The following SLC12A6 variants were observed in gnomAD, a reference collection of about 807,000 sequenced individuals.
SLC12A6 encodes the protein K-Cl cotransporter 3.
SLC12A6 carries 66 observed loss-of-function variants against 135.3 expected under a neutral mutation model. That is an observed-to-expected ratio of 0.49 (90% CI 0.40 to 0.60). The LOEUF is 0.60. SLC12A6 is among the 20% of genes least tolerant of loss of function. The pLI, the probability that SLC12A6 is intolerant of heterozygous loss-of-function variation, is 0.00. For missense variants in SLC12A6, 1,058 were observed against 1,452.3 expected, an observed-to-expected ratio of 0.73 and a Z score of 4.41; for synonymous variants, 513 against 508.8, an observed-to-expected ratio of 1.01 and a Z score of -0.11.
intron 2 of SLC12A6, among the ~76,000 whole-genome samples, chr15:34,332,019 C>G (rs1050486399): frequency 3.3e-5 from 5 of 152,134 alleles, no homozygotes; most frequent in Non-Finnish European, 5.9e-5. Context: ...ATTCAACCGT[C>G]TGACCACAGT....
At chr15:34,298,158 G>GT (rs1895999498) in intron 2 of SLC12A6, among the ~76,000 whole-genome samples, 1 of 151,448 alleles carries the variant, frequency 6.6e-6, no homozygotes, top group Non-Finnish European at 1.5e-5. Flanking sequence ...AATTATTACA[G>GT]TTTAAGTACA....
chr15:34,281,511 C>T (rs924506456), intron 2 of SLC12A6, among the ~76,000 whole-genome samples: 6 of 152,062 alleles, frequency 3.9e-5, no homozygotes, highest in South Asian at 4.1e-4. Flanking sequence ...ATGAGTAAGC[C>T]GGGTGCAGTG....
chr15:34,325,001 C>G (rs1889370453), intron 2 of SLC12A6, among the ~76,000 whole-genome samples: 1 of 152,088 alleles, frequency 6.6e-6, no homozygotes, highest in South Asian at 2.1e-4. Flanking sequence ...TAAATTTGTT[C>G]TATCAAACTG....
chr15:34,271,622 C>CACACACACACACAA (rs960728450), intron 3 of SLC12A6, among the ~76,000 whole-genome samples: 2 of 151,990 alleles, frequency 1.3e-5, no homozygotes, highest in African/African-American at 4.8e-5. Flanking sequence ...CACACACACA[C>CACACACACACACAA]ACACACAGAA....
At chr15:34,309,658 ATTC>A (rs149217654) in intron 2 of SLC12A6, among the ~76,000 whole-genome samples, 3,100 of 152,308 alleles carry the variant, frequency 0.02, 103 homozygotes, top group African/African-American at 0.071. Context: ...TCAAATTTGT[ATTC>A]TTATATTAAG....
At chr15:34,336,102 TAC>T (rs1280600689) in intron 2 of SLC12A6, among the ~76,000 whole-genome samples, 1 of 152,182 alleles carries the variant, frequency 6.6e-6, no homozygotes, top group East Asian at 1.9e-4. Context: ...TGAAAACGAT[TAC>T]ATTCTTTGAT....
At chr15:34,264,388 TCTAA>T (rs373762735) in intron 3 of SLC12A6, among the ~76,000 whole-genome samples, 1,827 of 152,284 alleles carry the variant, frequency 0.012, 15 homozygotes, top group Middle Eastern at 0.037. Context: ...AGCCTCGAAA[TCTAA>T]CTATCAGTTC....
At chr15:34,302,936 G>T (rs192919059) in intron 2 of SLC12A6, among the ~76,000 whole-genome samples, 1 of 144,786 alleles carries the variant, frequency 6.9e-6, no homozygotes, top group East Asian at 2.0e-4. Flanking sequence ...GGTGACAGAC[G>T]GGAGAAGGGA....
intron 2 of SLC12A6, among the ~76,000 whole-genome samples, chr15:34,334,277 C>T (rs1389227090): frequency 1.3e-5 from 2 of 152,070 alleles, no homozygotes; most frequent in East Asian, 1.9e-4. Context: ...ACTGTAAATA[C>T]TAAAATAGCA....
At chr15:34,290,748 G>T (rs1895460787) in intron 2 of SLC12A6, among the ~76,000 whole-genome samples, 1 of 152,120 alleles carries the variant, frequency 6.6e-6, no homozygotes, top group African/African-American at 2.4e-5. Flanking sequence ...TTTGATCTTT[G>T]TTGGTTTAAA....
At position 34,238,655 on chromosome 15, in the gene SLC12A6, G is replaced by A. The variant is rs549335894; in HGVS notation, c.2633-254C>T. 2.7e-5 allele frequency: 16 copies of A among 598,586 alleles called. No homozygotes were observed. The South Asian group carries it at 3.2e-4, about 12-fold the overall frequency. The allele number at this position is 598,586 out of a possible 1,614,324, so 37.1% of individuals were successfully genotyped here. On this transcript the variant is annotated intron_variant, in intron 20 of 25. Transcript: ENST00000354181. The stretch of plus-strand genomic sequence containing the variant: ...TAAGGGGGGATATGTGAATTTGAGA[G>A]ATTATGATGCTGAAGAACAATTCTT...
At chr15:34,262,687 G>A (rs966486615) in intron 3 of SLC12A6, among the ~76,000 whole-genome samples, 2 of 152,190 alleles carry the variant, frequency 1.3e-5, no homozygotes, top group African/African-American at 4.8e-5. Context: ...TGAGGTTTCA[G>A]GGTTGCGGAC....
intron 9 of SLC12A6, among the ~76,000 whole-genome samples, chr15:34,253,751 C>G (rs1023410047): frequency 2.6e-5 from 4 of 152,212 alleles, no homozygotes; most frequent in Admixed American, 2.6e-4. Context: ...CAGCTAGTCC[C>G]TATGCCACTA....
At chr15:34,238,501 G>T in intron 20 of SLC12A6, 100 bp from the exon 21 acceptor site, 2 of 880,320 alleles carry the variant, frequency 2.3e-6, no homozygotes, top group Non-Finnish European at 3.7e-6. Context: ...ACTTCTTTGA[G>T]CAAGGGGTCC....
intron 3 of SLC12A6, among the ~76,000 whole-genome samples, chr15:34,272,249 G>A (rs975923670): frequency 5.3e-5 from 8 of 152,174 alleles, no homozygotes; most frequent in South Asian, 2.1e-4. Flanking sequence ...GATTACAGGC[G>A]TGGTGAACCA....
At chr15:34,279,521 G>A (rs1318913170) in intron 2 of SLC12A6, among the ~76,000 whole-genome samples, 1 of 152,148 alleles carries the variant, frequency 6.6e-6, no homozygotes, top group Non-Finnish European at 1.5e-5. Flanking sequence ...ACACTGCTGA[G>A]ATATGTCTGA....
intron 2 of SLC12A6, among the ~76,000 whole-genome samples, chr15:34,294,996 A>G (rs1266801263): frequency 1.3e-5 from 2 of 152,246 alleles, no homozygotes; most frequent in African/African-American, 4.8e-5. Context: ...GTCATGAATA[A>G]TTTTGGGACC....
At chr15:34,286,339 G>C (rs1467964065) in intron 2 of SLC12A6, among the ~76,000 whole-genome samples, 1 of 151,706 alleles carries the variant, frequency 6.6e-6, no homozygotes, top group Non-Finnish European at 1.5e-5. Context: ...GCCTCCCAAA[G>C]TGTTGGGATT....
At chr15:34,302,418 A>C (rs1246108833) in intron 2 of SLC12A6, among the ~76,000 whole-genome samples, 1 of 152,202 alleles carries the variant, frequency 6.6e-6, no homozygotes, top group Non-Finnish European at 1.5e-5. Context: ...TGGGCTAGCC[A>C]GGTGTGGTGG....
Sources: allele counts gnomAD v4.1 joint callset (sites outside exome capture counted in the v4.1 genomes callset), GRCh38; gene constraint gnomAD v4.1.1; transcripts MANE v1.5; gene names NCBI Gene and HGNC (gene_info 2026-07-23, HGNC 2026-07-21).